Variants in SOCS7 observed in about 807,000 individuals in gnomAD.
SOCS7 encodes NAP-4.
Under a neutral mutation model 58.9 loss-of-function variants are expected in SOCS7, and 18 were observed. The ratio of observed to expected loss-of-function variants is 0.31; its 90% CI spans 0.21 to 0.45. The LOEUF (loss-of-function observed/expected upper bound fraction) is 0.45, where lower values mean the gene tolerates loss of function less well. SOCS7 is among the 20% of genes least tolerant of loss of function. The pLI, the probability that SOCS7 is intolerant of heterozygous loss-of-function variation, is 1.00. For synonymous variants in SOCS7, 388 were observed against 364.3 expected (o/e 1.06, Z -0.74); for missense variants, 667 against 837.3 (o/e 0.80, Z 2.51).
At chr17:38,391,667 C>T (rs1253332834) in intron 7 of SOCS7, among the ~76,000 whole-genome samples, 4 of 152,200 alleles carry the variant, frequency 2.6e-5, no homozygotes, top group African/African-American at 4.8e-5. Flanking sequence ...TCCCAAGGTG[C>T]TGGGATTACA....
intron 8 of SOCS7, 54 bp from the exon 9 acceptor site, chr17:38,395,793 CT>C (rs1382048872): frequency 7.7e-6 from 12 of 1,564,458 alleles, no homozygotes; most frequent in Non-Finnish European, 1.0e-5. Context: ...GGAGTTACTT[CT>C]TTTATATTTT....
At chr17:38,396,143 G>A (rs926334214) in intron 9 of SOCS7, 145 bp downstream of exon 9, 3 of 641,464 alleles carry the variant, frequency 4.7e-6, no homozygotes, top group East Asian at 3.2e-5. Context: ...AGATCTGACC[G>A]TGGAGTCCTC....
chr17:38,393,463 C>A (rs1012493485), intron 7 of SOCS7, among the ~76,000 whole-genome samples: 1 of 152,030 alleles, frequency 6.6e-6, no homozygotes, highest in African/African-American at 2.4e-5. Flanking sequence ...ATGGTGAAAC[C>A]CCGTCTCTAC....
Position 38,366,269 on chromosome 17 carries a change from C to G in SOCS7, c.1253-18C>G, listed in dbSNP as rs745417727. 1.9e-6 allele frequency: 3 copies of G among 1,612,528 alleles called. No homozygotes were observed. The highest frequency in any genetic ancestry group is 1.7e-5 in the Admixed American group (1 of 59,786). On this transcript the variant is annotated intron_variant, in intron 4 of 9. Coordinates refer to ENST00000612932, the MANE Select transcript of SOCS7 (RefSeq NM_014598.4). The stretch of plus-strand genomic sequence containing the variant: ...GCAGTGAGGGTAAACAAGTGACCAC[C>G]ACTGTCTTGCCCTGCAGATGCATTT...
chr17:38,352,824 C>G lies in SOCS7; in HGVS notation c.772C>G (p.Pro258Ala), dbSNP rs1202015484. 3.2e-6 allele frequency: 5 copies of G among 1,563,498 alleles called. No individual in the cohort carries two copies. Among genetic ancestry groups the G allele is most frequent in the Non-Finnish European group, 4.3e-6 (5 of 1,154,470 alleles). ...GCAGCAACCTCCCCCGCCCCCGCCT[C>G]CTCCCGGGCCCCTCCGGCCACTCGC... is the stretch of plus-strand genomic sequence containing the variant. Reference protein sequence around the residue: ...QQQQPPPPPPPPGPLRPLAGP... With the variant: ...QQQQPPPPPPAPGPLRPLAGP... The change falls in exon 1 of 10, where the codon CCT (proline) becomes GCT (alanine). Residue 258 changes from proline to alanine, a missense_variant. Coordinates refer to ENST00000612932, the MANE Select transcript of SOCS7 (RefSeq NM_014598.4). This position sits in a 1 kb window ranked among gnomAD's most constrained non-coding sequence, Gnocchi z 5.5.
intron 7 of SOCS7, among the ~76,000 whole-genome samples, chr17:38,394,847 C>T (rs1324080818): frequency 6.6e-6 from 1 of 152,068 alleles, no homozygotes; most frequent in African/African-American, 2.4e-5. Flanking sequence ...CCCAGGAGTT[C>T]GAGACTAGCC....
chr17:38,389,897 A>ATATATATATATATG lies in SOCS7; in HGVS notation c.1682-5410_1682-5409insTATATATATATGTA, dbSNP rs1400191697. 4.7e-4 allele frequency among the ~76,000 whole-genome samples: 36 copies of ATATATATATATATG among 77,366 alleles called. 1 individual carries two copies. Among genetic ancestry groups the ATATATATATATATG allele is most frequent in the African/African-American group, 2.1e-3 (27 of 12,584 alleles). 50.8% of individuals were successfully genotyped at this position (77,366 alleles called of 152,430 possible). On this transcript the variant is annotated intron_variant, in intron 7 of 9. Coordinates refer to ENST00000612932, the MANE Select transcript of SOCS7 (RefSeq NM_014598.4). ...TATATATATATGTACATATATATAT[A>ATATATATATATATG]TACACATATAGAGAGAGAGAGAGAG...
In SOCS7 at chr17:38,395,445, G is replaced by A; in HGVS notation, c.1817+1G>A. 1.2e-6 allele frequency: 2 copies of A among 1,612,778 alleles called. No individual in the cohort carries two copies. The highest frequency in any genetic ancestry group is 1.7e-6 in the Non-Finnish European group (2 of 1,178,906). ...ACATCCCAGATCTCCCACTGCCTAA[G>A]TACAATGGGGTTGTCAGGTTTGGGA... On this transcript the variant is annotated splice_donor_variant, in intron 8 of 9. Coordinates refer to ENST00000612932, the MANE Select transcript of SOCS7 (RefSeq NM_014598.4). LOFTEE classifies it high-confidence loss of function.
intron 6 of SOCS7, among the ~76,000 whole-genome samples, chr17:38,369,430 C>T (rs1030661408): frequency 2.0e-5 from 3 of 152,124 alleles, no homozygotes; most frequent in Non-Finnish European, 4.4e-5. Flanking sequence ...ATCCAATGAC[C>T]TGGGAATGAA....
At chr17:38,358,869 T>G (rs2037675780) in intron 1 of SOCS7, among the ~76,000 whole-genome samples, 1 of 152,082 alleles carries the variant, frequency 6.6e-6, no homozygotes, top group Non-Finnish European at 1.5e-5. Context: ...TTTTTCTAGA[T>G]CCTAGAAACT....
At chr17:38,364,595 G>C (rs185661230) in intron 2 of SOCS7, among the ~76,000 whole-genome samples, 157 bp from the exon 3 acceptor site, 193 of 152,278 alleles carry the variant, frequency 1.3e-3, no homozygotes, top group African/African-American at 4.5e-3. Context: ...TGACTTCCTG[G>C]TGTTGGGGTG....
At chr17:38,393,024 T>G (rs927125921) in intron 7 of SOCS7, among the ~76,000 whole-genome samples, 4 of 152,144 alleles carry the variant, frequency 2.6e-5, no homozygotes. Context: ...TTGTTTTTTT[T>G]TTAGAGACAG....
At chr17:38,357,747 A>C (rs587660743) in intron 1 of SOCS7, among the ~76,000 whole-genome samples, 1 of 152,354 alleles carries the variant, frequency 6.6e-6, no homozygotes, top group African/African-American at 2.4e-5. Flanking sequence ...GGAGCCATAA[A>C]ATCTGGTATT....
intron 6 of SOCS7, among the ~76,000 whole-genome samples, chr17:38,370,417 G>A (rs1287183363): frequency 2.0e-5 from 3 of 151,972 alleles, no homozygotes; most frequent in East Asian, 3.9e-4. Flanking sequence ...ATGCCTCGTC[G>A]TAGCCTCAAC....
chr17:38,362,056 T>C (rs1388287818), intron 2 of SOCS7, among the ~76,000 whole-genome samples: 3 of 152,222 alleles, frequency 2.0e-5, no homozygotes, highest in Non-Finnish European at 4.4e-5. Flanking sequence ...TCATCACATA[T>C]AAATTAAAAC....
intron 4 of SOCS7, 57 bp downstream of exon 4, chr17:38,365,466 C>T (rs1410875964): frequency 1.8e-6 from 2 of 1,140,248 alleles, no homozygotes; most frequent in Non-Finnish European, 2.5e-6. Context: ...GTGATACTTT[C>T]TACCATAGAA....
intron 6 of SOCS7, among the ~76,000 whole-genome samples, chr17:38,370,223 C>G (rs570327850): frequency 6.6e-6 from 1 of 152,180 alleles, no homozygotes; most frequent in African/African-American, 2.4e-5. Context: ...GTCTCGAACT[C>G]CTAGCCTCAC....
intron 1 of SOCS7, among the ~76,000 whole-genome samples, chr17:38,358,400 G>C (rs2037668779): frequency 1.3e-5 from 2 of 152,164 alleles, no homozygotes; most frequent in Admixed American, 1.3e-4. Context: ...GTATACAAAA[G>C]GGGATATATA....
At chr17:38,380,900 A>G (rs1476835404) in intron 7 of SOCS7, among the ~76,000 whole-genome samples, 2 of 152,080 alleles carry the variant, frequency 1.3e-5, no homozygotes, top group African/African-American at 4.8e-5. Flanking sequence ...AAAATAATAC[A>G]TGAGACTTCA....
Sources: gnomAD v4.1 joint callset for allele counts (sites outside exome capture counted in the v4.1 genomes callset) on GRCh38, gnomAD v4.1.1 for gene constraint, Gnocchi (gnomAD v3.1) non-coding constraint, MANE v1.5 for transcripts, NCBI Gene and HGNC (gene_info 2026-07-23, HGNC 2026-07-21) for gene names.